Variants in SLC25A21 observed in about 807,000 individuals in gnomAD.
SLC25A21 encodes solute carrier family 25 member 21.
A neutral mutation model predicts 43.8 loss-of-function variants in SLC25A21; 47 were observed. The observed-to-expected ratio is 1.07, with a 90% CI of 0.85 to 1.37. SLC25A21 has a LOEUF of 1.37. Ranked by LOEUF, SLC25A21 falls within the 40% of genes most tolerant of loss-of-function variation. SLC25A21 has a pLI of 0.00. For synonymous variants in SLC25A21, 131 were observed against 121.3 expected (o/e 1.08, Z -0.52); for missense variants, 352 against 350.2 (o/e 1.00, Z -0.04).
At chr14:36,919,467 G>T (rs1159210249) in intron 1 of SLC25A21, among the ~76,000 whole-genome samples, 3 of 151,930 alleles carry the variant, frequency 2.0e-5, no homozygotes, top group Non-Finnish European at 2.9e-5. Flanking sequence ...TTGCTCCAGG[G>T]TCAGAATTCC....
chr14:36,931,805 T>A (rs1009967774), intron 1 of SLC25A21, among the ~76,000 whole-genome samples: 1 of 152,058 alleles, frequency 6.6e-6, no homozygotes, highest in African/African-American at 2.4e-5. Flanking sequence ...GACAGCCAAC[T>A]AGGAGGTGTC....
intron 6 of SLC25A21, among the ~76,000 whole-genome samples, chr14:36,714,692 A>G (rs1484175708): frequency 6.6e-6 from 1 of 152,244 alleles, no homozygotes; most frequent in Non-Finnish European, 1.5e-5. Flanking sequence ...ACCTTTAGCC[A>G]TTATCATACG....
At chr14:36,728,910 T>C (rs1884705093) in intron 5 of SLC25A21, among the ~76,000 whole-genome samples, 1 of 152,142 alleles carries the variant, frequency 6.6e-6, no homozygotes, top group African/African-American at 2.4e-5. Flanking sequence ...TTAACTTCTG[T>C]GAAAAGCAGC....
At chr14:36,860,310 A>G (rs754347067) in intron 2 of SLC25A21, among the ~76,000 whole-genome samples, 7 of 152,160 alleles carry the variant, frequency 4.6e-5, no homozygotes, top group Non-Finnish European at 8.8e-5. Context: ...TGTACTTGCA[A>G]TCACTTTATT....
At chr14:36,910,630 G>A in intron 1 of SLC25A21, among the ~76,000 whole-genome samples, 1 of 152,090 alleles carries the variant, frequency 6.6e-6, no homozygotes, top group Admixed American at 6.6e-5. Context: ...ATTACCTGGG[G>A]GAATTCAATA....
In SLC25A21 at chr14:36,711,347, T is replaced by C. The variant is rs1883855607; in HGVS notation, c.574A>G (p.Asn192Asp). Residue 192 changes from asparagine (N) to aspartate (D), a missense_variant, in exon 7 of 10, where the codon AAT (asparagine) becomes GAT (aspartate). By Grantham distance (23) the Asn-to-Asp change is conservative. Transcript: ENST00000331299. ...TTGACAGGAATCATGTTTTTGACAT[T>C]GTAGTAGAAGCCAAAATAAACCATG... ...FNMVYFGFYY[N>D]VKNMIPVNKD... The C allele has an allele frequency of 6.2e-7, 1 of 1,613,944 alleles. No individual in the cohort carries two copies. The highest frequency in any genetic ancestry group is 1.3e-5 in the African/African-American group (1 of 74,926).
intron 1 of SLC25A21, among the ~76,000 whole-genome samples, chr14:36,985,524 T>G (rs1960127710): frequency 6.6e-6 from 1 of 152,212 alleles, no homozygotes. Flanking sequence ...TCTTATTTTT[T>G]TAAGATTACA....
chr14:36,915,787 G>A (rs1245705775), intron 1 of SLC25A21, among the ~76,000 whole-genome samples: 8 of 152,088 alleles, frequency 5.3e-5, no homozygotes, highest in Admixed American at 5.2e-4. Context: ...CAAATTACAC[G>A]CTATATGATG....
chr14:37,006,755 A>G (rs1960612994), intron 1 of SLC25A21, among the ~76,000 whole-genome samples: 1 of 152,166 alleles, frequency 6.6e-6, no homozygotes, highest in African/African-American at 2.4e-5. Context: ...TACCCTTTTA[A>G]AAAAAGCTAT....
rs145628810 is a variant in SLC25A21 at position 36,872,124 on chromosome 14, T to C, written c.119+2832A>G. Reference sequence around the variant, plus strand: ...TAGATTGGAGGATTATCATCATAAATGGCCTTAAATGTGAGGGTGACTATT... The same window carrying C: ...TAGATTGGAGGATTATCATCATAAACGGCCTTAAATGTGAGGGTGACTATT... On this transcript the variant is annotated intron_variant, in intron 2 of 9. Transcript: ENST00000331299. Among the ~76,000 whole-genome samples the C allele has an allele frequency of 6.6e-5, 10 of 152,324 alleles. No individual in the cohort carries two copies. In the East Asian group the frequency reaches 1.9e-3, roughly 29 times the overall value.
intron 1 of SLC25A21, among the ~76,000 whole-genome samples, chr14:37,040,369 G>GAAAGAA (rs1555343487): frequency 1.4e-4 from 4 of 28,298 alleles, no homozygotes; most frequent in African/African-American, 6.8e-4. Context: ...AAGAGAGAGA[G>GAAAGAA]AGAGAGAAAG....
chr14:36,973,595 C>T (rs1594729520), intron 1 of SLC25A21, among the ~76,000 whole-genome samples: 1 of 152,282 alleles, frequency 6.6e-6, no homozygotes, highest in East Asian at 1.9e-4. Flanking sequence ...GAGGCTGGGG[C>T]CTATTTTGGA....
chr14:36,679,265 A>G lies in SLC25A21; in HGVS notation c.*1393T>C. ...ATAAATTTTAAAAAACACGTTGGAA[A>G]GGATGTACAACAGAAGGCTATGTAT... On this transcript the variant is annotated 3_prime_UTR_variant, in exon 10 of 10. Coordinates refer to ENST00000331299, the MANE Select transcript of SLC25A21 (RefSeq NM_030631.4). 1.0e-6 allele frequency: 1 copy of G among 983,444 alleles called. No homozygotes were observed. The highest frequency in any genetic ancestry group is 4.7e-5 in the South Asian group (1 of 21,234). 60.9% of individuals were successfully genotyped at this position (983,444 alleles called of 1,614,324 possible).
At chr14:37,108,530 G>A (rs189038123) in intron 1 of SLC25A21, among the ~76,000 whole-genome samples, 50 of 152,172 alleles carry the variant, frequency 3.3e-4, no homozygotes, top group Non-Finnish European at 6.8e-4. Flanking sequence ...ACACTGTTTT[G>A]TTATTTAAAA....
At chr14:37,034,773 G>C (rs1352101629) in intron 1 of SLC25A21, among the ~76,000 whole-genome samples, 2 of 152,190 alleles carry the variant, frequency 1.3e-5, no homozygotes, top group Non-Finnish European at 2.9e-5. Context: ...TGCTAAGCCA[G>C]GGCACAGGTG....
intron 1 of SLC25A21, among the ~76,000 whole-genome samples, chr14:37,079,829 C>G (rs546198230): frequency 1.9e-4 from 29 of 152,266 alleles, no homozygotes; most frequent in Admixed American, 5.9e-4. Context: ...AGGTTTGTGT[C>G]CCCGCCAAAT....
chr14:36,850,743 A>G (rs1018634027), intron 2 of SLC25A21, among the ~76,000 whole-genome samples: 1 of 152,196 alleles, frequency 6.6e-6, no homozygotes. Flanking sequence ...AAGCCTGACT[A>G]AAGTCTCCAA....
At chr14:36,771,206 T>C (rs1431492723) in intron 3 of SLC25A21, among the ~76,000 whole-genome samples, 2 of 152,234 alleles carry the variant, frequency 1.3e-5, no homozygotes, top group Non-Finnish European at 2.9e-5. Context: ...AATTATTGCC[T>C]AATATTTCCT....
intron 7 of SLC25A21, among the ~76,000 whole-genome samples, chr14:36,698,537 C>T (rs1319700526): frequency 6.6e-6 from 1 of 152,234 alleles, no homozygotes; most frequent in Non-Finnish European, 1.5e-5. Flanking sequence ...CTTCCCATCA[C>T]TTTCAGGTAC....
Sources: allele counts gnomAD v4.1 joint callset (sites outside exome capture counted in the v4.1 genomes callset), GRCh38; gene constraint gnomAD v4.1.1; transcripts MANE v1.5; gene names NCBI Gene and HGNC (gene_info 2026-07-23, HGNC 2026-07-21).